Variants in ITPR2 observed in about 807,000 individuals in gnomAD.
The protein encoded by ITPR2 is inositol 1,4,5-trisphosphate receptor type 2.
In ITPR2, 207 loss-of-function variants were observed where a neutral mutation model predicts 317.1. The ratio of observed to expected loss-of-function variants is 0.65; its 90% CI spans 0.58 to 0.73. The LOEUF (loss-of-function observed/expected upper bound fraction) is 0.73. Among genes scored for constraint, ITPR2 ranks in the 30% least tolerant of loss-of-function variants. ITPR2 has a pLI of 0.00. For synonymous variants in ITPR2, 1,156 were observed against 1,149.1 expected, an observed-to-expected ratio of 1.01 and a Z score of -0.12; for missense variants, 2,613 against 3,284.0, an observed-to-expected ratio of 0.80 and a Z score of 4.99.
At chr12:26,511,788 C>T (rs930740607) in intron 37 of ITPR2, among the ~76,000 whole-genome samples, 2 of 152,174 alleles carry the variant, frequency 1.3e-5, no homozygotes, top group Non-Finnish European at 2.9e-5. Context: ...GTGAGGCCAA[C>T]GCATAGACAG....
chr12:26,339,283 G>A lies in ITPR2; in HGVS notation c.*114C>T. The A allele has an allele frequency of 1.2e-6, 1 of 846,380 alleles. No individual in the cohort carries two copies. The allele number at this position is 846,380 out of a possible 1,614,324, so 52.4% of individuals were successfully genotyped here. A position where few individuals can be genotyped will look rare whatever the true frequency, so the allele number is the denominator to read the frequency against. ...AACCCACTCAACATCTTGGCACTTG[G>A]TTGTTTTTAACTTTTCAACAATAGG... On this transcript the variant is annotated 3_prime_UTR_variant, in exon 57 of 57. Transcript: ENST00000381340.
intron 55 of ITPR2, among the ~76,000 whole-genome samples, chr12:26,342,117 T>C (rs531933902): frequency 6.6e-6 from 1 of 152,180 alleles, no homozygotes; most frequent in East Asian, 1.9e-4. Flanking sequence ...GATGTGCAGA[T>C]GAGGCAGAAA....
chr12:26,659,585 G>A (rs1338252411), intron 15 of ITPR2, among the ~76,000 whole-genome samples: 1 of 152,114 alleles, frequency 6.6e-6, no homozygotes, highest in Non-Finnish European at 1.5e-5. Context: ...ATTAAAGTAA[G>A]TTTTTATGAC....
At chr12:26,820,794 A>G (rs1260606078) in intron 1 of ITPR2, among the ~76,000 whole-genome samples, 4 of 152,228 alleles carry the variant, frequency 2.6e-5, no homozygotes, top group Non-Finnish European at 5.9e-5. Flanking sequence ...AGTATTCTCA[A>G]TAAACAGGAA....
intron 22 of ITPR2, 27 bp from the exon 23 acceptor site, chr12:26,628,189 A>T: frequency 6.4e-7 from 1 of 1,554,784 alleles, no homozygotes; most frequent in Non-Finnish European, 8.7e-7. Flanking sequence ...GAACAACATA[A>T]ATTTCTTTCA....
rs542438702 is a variant in ITPR2, at chr12:26,620,004, A to G, written c.3462+1119T>C. On this transcript the variant is annotated intron_variant, in intron 26 of 56. Transcript: ENST00000381340. ...GGTGTCTGATTCCAAAACCCATGCT[A>G]ATAACCTACACATTGTCCTTCCTAT... Among the ~76,000 whole-genome samples, 65 of 152,304 alleles carry G rather than the reference A, an allele frequency of 4.3e-4. 1 individual carries two copies. The South Asian group carries it at 0.013, about 31-fold the overall frequency.
At chr12:26,810,002 A>G (rs1479390923) in intron 1 of ITPR2, among the ~76,000 whole-genome samples, 2 of 152,252 alleles carry the variant, frequency 1.3e-5, no homozygotes, top group Non-Finnish European at 2.9e-5. Flanking sequence ...TGGATTGTAC[A>G]CTAAGGGCTT....
At chr12:26,402,712 A>T (rs1257753517) in intron 52 of ITPR2, among the ~76,000 whole-genome samples, 1 of 152,230 alleles carries the variant, frequency 6.6e-6, no homozygotes, top group Non-Finnish European at 1.5e-5. Context: ...CTATGCCCTC[A>T]GTTAATAAGG....
intron 37 of ITPR2, among the ~76,000 whole-genome samples, chr12:26,508,545 G>A (rs1361960889): frequency 2.0e-5 from 3 of 152,122 alleles, no homozygotes; most frequent in Admixed American, 1.3e-4. Context: ...AATATTGATA[G>A]AGATGAGAGG....
intron 2 of ITPR2, among the ~76,000 whole-genome samples, chr12:26,750,244 C>T (rs945496823): frequency 5.9e-5 from 9 of 152,208 alleles, no homozygotes; most frequent in African/African-American, 2.2e-4. Context: ...GGGTAGACAG[C>T]CACCATGGTT....
At chr12:26,743,418 G>A (rs188912619) in intron 2 of ITPR2, among the ~76,000 whole-genome samples, 9 of 152,032 alleles carry the variant, frequency 5.9e-5, no homozygotes, top group Non-Finnish European at 1.0e-4. Flanking sequence ...ATTTGAGCTC[G>A]CACTTAAGAT....
At chr12:26,733,852 A>T (rs750783058) in intron 2 of ITPR2, among the ~76,000 whole-genome samples, 23 of 151,930 alleles carry the variant, frequency 1.5e-4, no homozygotes, top group Admixed American at 3.9e-4. Flanking sequence ...CACTGATAAT[A>T]AAAAAAATGT....
At chr12:26,341,247 T>C (rs1938103859) in intron 55 of ITPR2, among the ~76,000 whole-genome samples, 1 of 152,198 alleles carries the variant, frequency 6.6e-6, no homozygotes, top group Non-Finnish European at 1.5e-5. Context: ...GCAGCATTGA[T>C]GGGGTGTGCC....
At chr12:26,364,677 T>C (rs537219709) in intron 55 of ITPR2, among the ~76,000 whole-genome samples, 1 of 152,336 alleles carries the variant, frequency 6.6e-6, no homozygotes, top group East Asian at 1.9e-4. Context: ...CATTATAATC[T>C]GGCGTCTCAG....
chr12:26,769,655 A>C (rs1949803867), intron 2 of ITPR2, among the ~76,000 whole-genome samples: 1 of 152,212 alleles, frequency 6.6e-6, no homozygotes, highest in East Asian at 1.9e-4. Context: ...ATTAATGCAC[A>C]CATATTTCCA....
At chr12:26,395,985 G>C (rs1939986208) in intron 54 of ITPR2, among the ~76,000 whole-genome samples, 1 of 152,158 alleles carries the variant, frequency 6.6e-6, no homozygotes, top group Non-Finnish European at 1.5e-5. Flanking sequence ...TGAAAAGCCA[G>C]ACATGTAGTA....
In ITPR2 at chr12:26,602,405, C is replaced by T. The variant is rs1946022191; in HGVS notation, c.3643G>A (p.Val1215Met). 1.2e-6 allele frequency: 2 copies of T among 1,613,720 alleles called. No individual in the cohort carries two copies. Among genetic ancestry groups the T allele is most frequent in the South Asian group, 1.1e-5 (1 of 91,046 alleles). Reference protein sequence around the residue: ...RLLKNMGAHSVVLDLLQIPYE... With the variant: ...RLLKNMGAHSMVLDLLQIPYE... ...GGTATCTGCAGAAGATCCAACACCA[C>T]CGAATGCGCCCCCATATTTTTCAGT... The change falls in exon 28 of 57, where the codon GTG (valine) becomes ATG (methionine). Residue 1215 changes from valine (V) to methionine (M), a missense_variant. Val to Met is a conservative substitution (Grantham distance 21). Transcript: ENST00000381340.
At chr12:26,571,548 G>A (rs779697148) in intron 34 of ITPR2, among the ~76,000 whole-genome samples, 2 of 152,144 alleles carry the variant, frequency 1.3e-5, no homozygotes, top group Non-Finnish European at 2.9e-5. Flanking sequence ...CAATGCACAC[G>A]GTATAAAACA....
intron 34 of ITPR2, among the ~76,000 whole-genome samples, chr12:26,575,157 G>A (rs1480172188): frequency 2.7e-5 from 4 of 147,398 alleles, no homozygotes; most frequent in African/African-American, 5.1e-5. Flanking sequence ...GTGGAAACTC[G>A]AGAAAGCTAG....
Sources: allele counts gnomAD v4.1 joint callset (sites outside exome capture counted in the v4.1 genomes callset), GRCh38; gene constraint gnomAD v4.1.1; transcripts MANE v1.5; gene names NCBI Gene and HGNC (gene_info 2026-07-23, HGNC 2026-07-21).